DYNC2H1: variants seen among roughly 807,000 people sequenced by gnomAD.
DYNC2H1 encodes cytoplasmic dynein 2 heavy chain 1.
Under a neutral mutation model 570.0 loss-of-function variants are expected in DYNC2H1, and 410 were observed. The observed-to-expected ratio is 0.72, with a 90% CI of 0.66 to 0.78. The LOEUF is 0.78. DYNC2H1 is among the 30% of genes least tolerant of loss of function. The probability of loss-of-function intolerance (pLI) is 0.00; values close to 1 mark genes in which losing one functional copy is unlikely to be tolerated. For synonymous variants in DYNC2H1, 1,688 were observed against 1,677.6 expected (o/e 1.01, Z -0.15); for missense variants, 4,865 against 5,046.4 (o/e 0.96, Z 1.09).
chr11:103,469,921 G>A (rs1380891531), intron 88 of DYNC2H1, among the ~76,000 whole-genome samples: 2 of 152,008 alleles, frequency 1.3e-5, no homozygotes, highest in East Asian at 3.8e-4. Context: ...ATACAAAATT[G>A]TTTAGGATGG....
At chr11:103,230,538 C>T (rs116050777) in intron 59 of DYNC2H1, among the ~76,000 whole-genome samples, 3,465 of 152,200 alleles carry the variant, frequency 0.023, 114 homozygotes, top group African/African-American at 0.077. Flanking sequence ...AGTCAGCTCT[C>T]AATAGAGGAT....
intron 83 of DYNC2H1, among the ~76,000 whole-genome samples, chr11:103,367,637 T>C (rs1189038063): frequency 6.6e-6 from 1 of 152,154 alleles, no homozygotes; most frequent in African/African-American, 2.4e-5. Flanking sequence ...GTGCTATGCT[T>C]TACTCACCCT....
chr11:103,420,954 C>CCT (rs1943466839), intron 84 of DYNC2H1, among the ~76,000 whole-genome samples: 1 of 152,122 alleles, frequency 6.6e-6, no homozygotes, highest in Non-Finnish European at 1.5e-5. Context: ...AGAACTAAGG[C>CCT]CCATTGGTAT....
At position 103,479,691 on chromosome 11, in the gene DYNC2H1, A is replaced by C. The variant is rs1945680674; in HGVS notation, c.*438A>C. Reference sequence around the variant, plus strand: ...ATTATAAAGTTATAATGAATGTATAAAAGTATCAACATGAATATAATTATA... The same window carrying C: ...ATTATAAAGTTATAATGAATGTATACAAGTATCAACATGAATATAATTATA... On this transcript the variant is annotated 3_prime_UTR_variant, in exon 89 of 89. Coordinates refer to ENST00000375735, the MANE Select transcript of DYNC2H1 (RefSeq NM_001377.3). The C allele has an allele frequency of 6.6e-6, 1 of 152,240 alleles. No homozygotes were observed. Among genetic ancestry groups the C allele is most frequent in the South Asian group, 2.1e-4 (1 of 4,850 alleles). The allele number at this position is 152,240 out of a possible 1,614,324, so 9.4% of individuals were successfully genotyped here.
intron 87 of DYNC2H1, among the ~76,000 whole-genome samples, chr11:103,459,520 C>G (rs1219802218): frequency 6.6e-6 from 1 of 152,026 alleles, no homozygotes; most frequent in Non-Finnish European, 1.5e-5. Context: ...AAGGGTTGAG[C>G]GCCTATAATA....
intron 88 of DYNC2H1, among the ~76,000 whole-genome samples, chr11:103,473,272 C>T (rs116410579): frequency 0.015 from 2,182 of 147,560 alleles, 53 homozygotes; most frequent in African/African-American, 0.052. Flanking sequence ...ACTATTTATT[C>T]ATTCATGAAA....
chr11:103,113,055 G>A (rs1256551638), intron 1 of DYNC2H1, among the ~76,000 whole-genome samples: 2 of 152,140 alleles, frequency 1.3e-5, no homozygotes, highest in East Asian at 3.8e-4. Flanking sequence ...TGGTAGTTTT[G>A]AGTGCATGTA....
intron 70 of DYNC2H1, 95 bp downstream of exon 70, chr11:103,260,072 A>G: frequency 1.4e-6 from 1 of 701,910 alleles, no homozygotes; most frequent in East Asian, 3.6e-5. Flanking sequence ...CCCTACTGGA[A>G]AGGTATTAAA....
intron 83 of DYNC2H1, among the ~76,000 whole-genome samples, chr11:103,379,630 C>CT (rs1289223545): frequency 1.3e-5 from 2 of 151,978 alleles, no homozygotes; most frequent in African/African-American, 4.8e-5. Flanking sequence ...TAAGGAAAAC[C>CT]TTTTTTCCCC....
intron 83 of DYNC2H1, among the ~76,000 whole-genome samples, chr11:103,359,233 T>C (rs1309124838): frequency 6.6e-6 from 1 of 152,250 alleles, no homozygotes; most frequent in African/African-American, 2.4e-5. Flanking sequence ...AATCCGTTGA[T>C]GTGATTTTGT....
At chr11:103,379,407 C>T (rs1341742332) in intron 83 of DYNC2H1, among the ~76,000 whole-genome samples, 1 of 152,148 alleles carries the variant, frequency 6.6e-6, no homozygotes, top group African/African-American at 2.4e-5. Context: ...TTGTAAAATA[C>T]AGTTTTCCAA....
intron 84 of DYNC2H1, among the ~76,000 whole-genome samples, chr11:103,424,601 A>T (rs748338025): frequency 1.3e-5 from 2 of 152,034 alleles, no homozygotes; most frequent in African/African-American, 4.8e-5. Flanking sequence ...TTATATCCAT[A>T]AAATTGGAGT....
At chr11:103,432,109 T>G (rs1478551942) in intron 84 of DYNC2H1, among the ~76,000 whole-genome samples, 1 of 152,116 alleles carries the variant, frequency 6.6e-6, no homozygotes, top group Non-Finnish European at 1.5e-5. Context: ...TTTTGAAGCT[T>G]CTTCTTGATC....
intron 75 of DYNC2H1, among the ~76,000 whole-genome samples, chr11:103,292,325 C>T (rs544591127): frequency 6.8e-4 from 103 of 151,890 alleles, no homozygotes; most frequent in Admixed American, 1.8e-3. Context: ...AAACTGATGA[C>T]AACTTAACTC....
intron 82 of DYNC2H1, among the ~76,000 whole-genome samples, chr11:103,356,437 T>A (rs1940343322): frequency 6.6e-6 from 1 of 152,208 alleles, no homozygotes; most frequent in Non-Finnish European, 1.5e-5. Flanking sequence ...TTGGTGTACA[T>A]TTTATTCTTA....
At chr11:103,117,122 T>G (rs1858439076) in intron 5 of DYNC2H1, among the ~76,000 whole-genome samples, 1 of 149,438 alleles carries the variant, frequency 6.7e-6, no homozygotes, top group African/African-American at 2.4e-5. Flanking sequence ...GCATTGTTTG[T>G]GATGAGCAGA....
rs1858930802 is a variant in DYNC2H1, at chr11:103,125,254, A to G, written c.1816A>G (p.Ile606Val). The change falls in exon 12 of 89, where the codon ATT (isoleucine) becomes GTT (valine). Residue 606 changes from isoleucine (I) to valine (V), a missense_variant. Ile to Val is a conservative substitution (Grantham distance 29). Around this residue, in one of 5 missense-constraint regions of DYNC2H1, gnomAD observed 1,936 missense variants for 1,962.1 expected, o/e 0.99. Transcript: ENST00000375735. ...TGCCAAAATACAGCAAGTTGCAAAC[A>G]TTGCACAGAAATTCTGCAAGCAAGC... ...IPAKIQQVAN[I>V]AQKFCKQAII... The G allele has an allele frequency of 1.9e-6, 3 of 1,611,138 alleles. No individual in the cohort carries two copies. Among genetic ancestry groups the G allele is most frequent in the East Asian group, 4.5e-5 (2 of 44,762 alleles).
chr11:103,139,377 T>G (rs1177384912), intron 17 of DYNC2H1, among the ~76,000 whole-genome samples: 1 of 152,018 alleles, frequency 6.6e-6, no homozygotes, highest in Non-Finnish European at 1.5e-5. Flanking sequence ...CTGTACACAC[T>G]GCTTTGAATG....
At chr11:103,294,616 A>T (rs1199306356) in intron 75 of DYNC2H1, among the ~76,000 whole-genome samples, 3 of 152,050 alleles carry the variant, frequency 2.0e-5, no homozygotes, top group Non-Finnish European at 4.4e-5. Context: ...GTTTGGGGAG[A>T]GGCAATATGG....
Sources: gnomAD v4.1 joint callset for allele counts (sites outside exome capture counted in the v4.1 genomes callset) on GRCh38, gnomAD v4.1.1 for gene constraint, gnomAD v4.1.1 regional missense constraint, MANE v1.5 for transcripts, NCBI Gene and HGNC (gene_info 2026-07-23, HGNC 2026-07-21) for gene names.